Variants in COPA observed in about 807,000 individuals in gnomAD.
The protein encoded by COPA is coatomer subunit alpha.
In COPA, 10 loss-of-function variants were observed where a neutral mutation model predicts 158.7. The ratio of observed to expected loss-of-function variants is 0.06; its 90% confidence interval spans 0.04 to 0.11. The LOEUF is 0.11. Among genes scored for constraint, COPA ranks in the 10% least tolerant of loss-of-function variants. COPA has a pLI of 1.00. For synonymous variants in COPA, 462 were observed against 542.8 expected, an observed-to-expected ratio of 0.85 and a Z score of 2.07; for missense variants, 1,065 against 1,536.7, an observed-to-expected ratio of 0.69 and a Z score of 5.13.
intron 11 of COPA, among the ~76,000 whole-genome samples, 192 bp downstream of exon 11, chr1:160,311,676 G>A (rs1658970643): frequency 6.6e-6 from 1 of 152,070 alleles, no homozygotes; most frequent in Non-Finnish European, 1.5e-5. Context: ...GAACCCGGGA[G>A]GCGGAGCTTG....
rs1658268863 is a variant in COPA, at chr1:160,292,362, A to AAAGATCTTTTTCTACC, written c.2960+121_2960+122insGGTAGAAAAAGATCTT. The stretch of plus-strand genomic sequence containing the variant: ...AACCAACCCCATAGAGTAACAAACC[A>AAAGATCTTTTTCTACC]AAGATCTTTTTCTACTGGGAAACCC... On this transcript the variant is annotated intron_variant, in intron 28 of 32. Transcript: ENST00000241704. The AAAGATCTTTTTCTACC allele has an allele frequency of 1.9e-6, 3 of 1,578,058 alleles. No homozygotes were observed. In the South Asian group the frequency reaches 3.5e-5, roughly 18 times the overall value.
At chr1:160,323,259 A>G (rs1199328819) in intron 8 of COPA, among the ~76,000 whole-genome samples, 172 bp downstream of exon 8, 1 of 152,194 alleles carries the variant, frequency 6.6e-6, no homozygotes, top group Non-Finnish European at 1.5e-5. Flanking sequence ...TGTACACATA[A>G]AAATTGTAAA....
At chr1:160,317,734 C>T (rs1659193279) in intron 8 of COPA, 1 of 1,315,622 alleles carries the variant, frequency 7.6e-7, no homozygotes, top group Non-Finnish European at 1.1e-6. Context: ...TTTCTTTTCC[C>T]TCAATCCTTT....
At chr1:160,302,316 TAATA>T (rs1002763793) in intron 17 of COPA, among the ~76,000 whole-genome samples, 26 of 152,114 alleles carry the variant, frequency 1.7e-4, no homozygotes, top group African/African-American at 6.3e-4. Context: ...ATCAAGTGTC[TAATA>T]AATCTAACCA....
intron 1 of COPA, among the ~76,000 whole-genome samples, chr1:160,341,399 C>T (rs1282842023): frequency 6.6e-6 from 1 of 152,166 alleles, no homozygotes; most frequent in Non-Finnish European, 1.5e-5. Flanking sequence ...ATGTACTACA[C>T]TTATATTATT....
chr1:160,311,873 C>T lies in COPA; in HGVS notation c.1071G>A (p.Leu357=). 6.2e-7 allele frequency: 1 copy of T among 1,612,044 alleles called. No individual in the cohort carries two copies. The highest frequency in any genetic ancestry group is 1.3e-5 in the African/African-American group (1 of 75,040). Reference sequence around the variant, plus strand: ...AAGAAACAAGTCCGATTTACCTCCGCAACTGCATCACAGCTACATCTTTGG... The same window carrying T: ...AAGAAACAAGTCCGATTTACCTCCGTAACTGCATCACAGCTACATCTTTGG... ...NSSKDVAVMQ[L]RSGSKFPVFN... Residue 357 remains leucine, a synonymous_variant, in exon 11 of 33, where the codon TTG becomes TTA. Transcript: ENST00000241704.
At chr1:160,295,187 T>G (rs1342984701) in intron 23 of COPA, among the ~76,000 whole-genome samples, 2 of 152,136 alleles carry the variant, frequency 1.3e-5, no homozygotes, top group Non-Finnish European at 2.9e-5. Context: ...CACTACAATG[T>G]GTACAGGGCA....
chr1:160,305,187 G>A lies in COPA; in HGVS notation c.1667+246C>T, dbSNP rs1658744079. ...ATTTTTTGACTTGGGTGGTAGTTAT[G>A]CTGATGTTCACTACATAACTTATTT... is the stretch of plus-strand genomic sequence containing the variant. On this transcript the variant is annotated intron_variant, in intron 17 of 32. Transcript: ENST00000241704. The A allele has an allele frequency of 8.5e-6, 3 of 353,476 alleles. No homozygotes were observed. The Admixed American group carries it at 1.3e-4, about 16-fold the overall frequency. The allele number at this position is 353,476 out of a possible 1,614,324, so 21.9% of individuals were successfully genotyped here.
chr1:160,289,666 A>C lies in COPA; in HGVS notation c.*491T>G, dbSNP rs1658156836. ...AATGAAGTGGTATGATCTCAGTTGA[A>C]TGCAACCTCCACCTCCTAGGTTCAA... On this transcript the variant is annotated 3_prime_UTR_variant, in exon 33 of 33. Coordinates refer to ENST00000241704, the MANE Select transcript of COPA (RefSeq NM_004371.4). 1 of 151,934 alleles carries C rather than the reference A, an allele frequency of 6.6e-6. No homozygotes were observed. The highest frequency in any genetic ancestry group is 2.1e-4 in the South Asian group (1 of 4,828). The allele number at this position is 151,934 out of a possible 1,614,324, so 9.4% of individuals were successfully genotyped here.
chr1:160,294,690 G>A, intron 24 of COPA, 78 bp downstream of exon 24: 2 of 1,591,846 alleles, frequency 1.3e-6, no homozygotes, highest in South Asian at 2.2e-5. Context: ...TGGCCTGGAA[G>A]TCTGCAGAGC....
At chr1:160,317,227 G>A (rs925311295) in intron 8 of COPA, among the ~76,000 whole-genome samples, 2 of 152,218 alleles carry the variant, frequency 1.3e-5, no homozygotes, top group African/African-American at 4.8e-5. Context: ...TACAGTAAGT[G>A]TTAAAAGTAG....
At chr1:160,304,889 T>C (rs953665646) in intron 17 of COPA, among the ~76,000 whole-genome samples, 3 of 152,142 alleles carry the variant, frequency 2.0e-5, no homozygotes, top group Non-Finnish European at 2.9e-5. Flanking sequence ...CATATAATTA[T>C]ACAAAAATGA....
At position 160,296,105 on chromosome 1, in the gene COPA, C is replaced by T; in HGVS notation, c.2308G>A (p.Glu770Lys). Reference protein sequence around the residue: ...LTAATHGLDEEAESLKETFDP... With the variant: ...LTAATHGLDEKAESLKETFDP... Reference sequence around the variant, plus strand: ...AATGTCTCCTTTAGGCTCTCAGCTTCTTCATCTAAGCCATGGGTAGCAGCT... The same window carrying T: ...AATGTCTCCTTTAGGCTCTCAGCTTTTTCATCTAAGCCATGGGTAGCAGCT... The change falls in exon 22 of 33, where the codon GAA (glutamate) becomes AAA (lysine). Residue 770 changes from glutamate (E) to lysine (K), a missense_variant. Glu to Lys is a moderately conservative substitution (Grantham distance 56, BLOSUM62 1). Around this residue, in one of 2 missense-constraint regions of COPA, gnomAD observed 980 missense variants for 1,357.8 expected, o/e 0.72. Coordinates refer to ENST00000241704, the MANE Select transcript of COPA (RefSeq NM_004371.4). 1 of 1,614,186 alleles carries T rather than the reference C, an allele frequency of 6.2e-7. No homozygotes were observed.
At position 160,311,865 on chromosome 1, in the gene COPA, T is replaced by C. The variant is rs1658978113; in HGVS notation, c.1076+3A>G. ...TTGGAGGAAAGAAACAAGTCCGATT[T>C]ACCTCCGCAACTGCATCACAGCTAC... On this transcript the variant is annotated splice_donor_region_variant and intron_variant, in intron 11 of 32. Transcript: ENST00000241704. 5 of 1,610,040 alleles carry C rather than the reference T, an allele frequency of 3.1e-6. No individual in the cohort carries two copies. The Admixed American group carries it at 5.0e-5, about 16-fold the overall frequency.
chr1:160,307,178 T>G lies in COPA; in HGVS notation c.1287A>C (p.Leu429=), dbSNP rs1215494759. 5 of 1,614,172 alleles carry G rather than the reference T, an allele frequency of 3.1e-6. No homozygotes were observed. The highest frequency in any genetic ancestry group is 4.2e-6 in the Non-Finnish European group (5 of 1,180,008). Residue 429 remains leucine (L), a synonymous_variant, in exon 14 of 33, where the codon CTA becomes CTC. Transcript: ENST00000241704. ...CTTAACTCACCGAATGCATCCGATC[T>G]AGGACAGCAAACCGATTTCGAGCGA... ...VWVARNRFAV[L]DRMHSLLIKN... is the part of the protein sequence containing the mutation.
Position 160,313,132 on chromosome 1 carries a change from C to T in COPA, c.878G>A (p.Arg293His). The T allele has an allele frequency of 6.2e-7, 1 of 1,614,094 alleles. No individual in the cohort carries two copies. Among genetic ancestry groups the T allele is most frequent in the Non-Finnish European group, 8.5e-7 (1 of 1,179,998 alleles). The change falls in exon 10 of 33, where the codon CGT becomes CAT. Residue 293 changes from arginine to histidine, a missense_variant. Arg to His is a conservative substitution (Grantham distance 29). Coordinates refer to ENST00000241704, the MANE Select transcript of COPA (RefSeq NM_004371.4). Reference sequence around the variant, plus strand: ...AGGGTGAGCAGCTAGGACCCAGAAACGATCATGGTCTCTGCGGAAAGTCTG... The same window carrying T: ...AGGGTGAGCAGCTAGGACCCAGAAATGATCATGGTCTCTGCGGAAAGTCTG... ...GVQTFRRDHD[R>H]FWVLAAHPNL...
At chr1:160,326,602 A>C (rs1232807523) in intron 6 of COPA, among the ~76,000 whole-genome samples, 3 of 152,326 alleles carry the variant, frequency 2.0e-5, no homozygotes, top group South Asian at 4.1e-4. Flanking sequence ...TGATGGGGGA[A>C]GTTCCAAATG....
At chr1:160,310,740 T>A (rs1042031628) in intron 11 of COPA, among the ~76,000 whole-genome samples, 22 of 152,202 alleles carry the variant, frequency 1.4e-4, no homozygotes. Flanking sequence ...AGCATGCTGA[T>A]GCAGCTGGCT....
intron 17 of COPA, among the ~76,000 whole-genome samples, chr1:160,301,840 T>C (rs887813601): frequency 2.6e-5 from 4 of 151,886 alleles, no homozygotes; most frequent in African/African-American, 9.7e-5. Flanking sequence ...TTGGTAAATG[T>C]TGAATTTTAC....
Sources: gnomAD v4.1 joint callset for allele counts (sites outside exome capture counted in the v4.1 genomes callset) on GRCh38, gnomAD v4.1.1 for gene constraint, gnomAD v4.1.1 regional missense constraint, MANE v1.5 for transcripts, NCBI Gene and HGNC (gene_info 2026-07-23, HGNC 2026-07-21) for gene names.